The following CRPPA variants were observed in gnomAD, a reference collection of about 807,000 sequenced individuals.
CRPPA encodes the protein D-ribitol-5-phosphate cytidylyltransferase.
Under a neutral mutation model 52.0 loss-of-function variants are expected in CRPPA, and 43 were observed. That is an observed-to-expected ratio of 0.83 (90% CI 0.65 to 1.07). CRPPA has a LOEUF of 1.07. Ranked by LOEUF, CRPPA falls within the 50% of genes least tolerant of loss-of-function variation. The pLI, the probability that CRPPA is intolerant of heterozygous loss-of-function variation, is 0.00. For synonymous variants in CRPPA, 250 were observed against 203.5 expected, an observed-to-expected ratio of 1.23 and a Z score of -1.94; for missense variants, 629 against 551.7, an observed-to-expected ratio of 1.14 and a Z score of -1.40.
intron 3 of CRPPA, among the ~76,000 whole-genome samples, chr7:16,370,997 TG>T (rs1363240995): frequency 2.6e-5 from 4 of 152,202 alleles, no homozygotes; most frequent in Non-Finnish European, 4.4e-5. Flanking sequence ...AAGAGCTGCC[TG>T]TTTGATATGA....
At chr7:16,108,075 A>C (rs986863813) in intron 9 of CRPPA, among the ~76,000 whole-genome samples, 1 of 152,078 alleles carries the variant, frequency 6.6e-6, no homozygotes, top group African/African-American at 2.4e-5. Context: ...GAAGAAAAAA[A>C]TACAGTATCT....
chr7:16,101,946 G>GA (rs1782054395), intron 9 of CRPPA, among the ~76,000 whole-genome samples: 1 of 152,100 alleles, frequency 6.6e-6, no homozygotes, highest in Admixed American at 6.5e-5. Flanking sequence ...CACAGAATTA[G>GA]AAAAAACTAC....
intron 8 of CRPPA, among the ~76,000 whole-genome samples, chr7:16,231,007 G>C (rs1039398881): frequency 6.6e-6 from 1 of 152,122 alleles, no homozygotes; most frequent in African/African-American, 2.4e-5. Context: ...TGCTGCAGCT[G>C]GTCTAGAGGC....
At chr7:16,394,736 G>C (rs73071086) in intron 2 of CRPPA, among the ~76,000 whole-genome samples, 2,282 of 152,208 alleles carry the variant, frequency 0.015, 45 homozygotes, top group Admixed American at 0.056. Flanking sequence ...GTCTATGAAA[G>C]CCAGAATATC....
At chr7:16,157,282 G>A (rs1353142084) in intron 9 of CRPPA, among the ~76,000 whole-genome samples, 2 of 151,708 alleles carry the variant, frequency 1.3e-5, no homozygotes, top group East Asian at 3.9e-4. Context: ...ATAAGCAACT[G>A]GAGTTAAAGA....
chr7:16,312,878 T>A (rs1785063445), intron 3 of CRPPA, among the ~76,000 whole-genome samples: 1 of 152,060 alleles, frequency 6.6e-6, no homozygotes, highest in Admixed American at 6.6e-5. Context: ...ATGAAATACA[T>A]TAGATTTTGA....
intron 9 of CRPPA, among the ~76,000 whole-genome samples, chr7:16,148,629 G>A (rs191341327): frequency 1.2e-4 from 19 of 152,192 alleles, no homozygotes; most frequent in African/African-American, 3.9e-4. Context: ...GGTTATTAGA[G>A]GCTAAGGAAG....
intron 9 of CRPPA, among the ~76,000 whole-genome samples, chr7:16,101,213 G>T (rs553649606): frequency 1.3e-5 from 2 of 152,276 alleles, no homozygotes; most frequent in East Asian, 3.9e-4. Context: ...GTTTAGAAGA[G>T]TTTCAGAATA....
chr7:16,234,097 A>T (rs1230624912), intron 8 of CRPPA, among the ~76,000 whole-genome samples: 1 of 152,136 alleles, frequency 6.6e-6, no homozygotes, highest in African/African-American at 2.4e-5. Flanking sequence ...TTTTCAACTT[A>T]ACATTTCTAA....
At position 16,335,485 on chromosome 7, in the gene CRPPA, A is replaced by G. The variant is rs569249144; in HGVS notation, c.685-26858T>C. Among the ~76,000 whole-genome samples the G allele has an allele frequency of 5.3e-5, 8 of 152,362 alleles. No individual in the cohort carries two copies. The South Asian group carries it at 1.2e-3, about 24-fold the overall frequency. Reference sequence around the variant, plus strand: ...AGAAACAAAATCCAAGATAAAGACTACAATAACTGAACCGAAAAATTTGTT... The same window carrying G: ...AGAAACAAAATCCAAGATAAAGACTGCAATAACTGAACCGAAAAATTTGTT... On this transcript the variant is annotated intron_variant, in intron 3 of 9. Transcript: ENST00000407010.
At chr7:16,391,547 C>G (rs1787446105) in intron 2 of CRPPA, among the ~76,000 whole-genome samples, 1 of 152,172 alleles carries the variant, frequency 6.6e-6, no homozygotes, top group African/African-American at 2.4e-5. Context: ...AGCTTTCCAT[C>G]TCAAAGAACT....
intron 4 of CRPPA, among the ~76,000 whole-genome samples, chr7:16,302,246 A>C (rs933878347): frequency 7.5e-6 from 1 of 134,016 alleles, no homozygotes; most frequent in Non-Finnish European, 1.5e-5. Flanking sequence ...CAGTGTGCCG[A>C]GATTGCGCCA....
intron 5 of CRPPA, among the ~76,000 whole-genome samples, chr7:16,282,561 G>A (rs1046926154): frequency 5.3e-5 from 8 of 151,948 alleles, no homozygotes; most frequent in African/African-American, 1.2e-4. Context: ...CAACAAGGTA[G>A]GTAAAAGACA....
Position 16,417,883 on chromosome 7 carries a change from C to T in CRPPA, c.257+3183G>A, listed in dbSNP as rs370321560. 2.6e-5 allele frequency among the ~76,000 whole-genome samples: 4 copies of T among 152,200 alleles called. No individual in the cohort carries two copies. The East Asian group carries it at 7.7e-4, about 29-fold the overall frequency. ...CTCTTAGAATAACCTAAATGATTGACAGTGGTGACACCCATTATTTTTCTT... is the reference window on the plus strand; with the variant it reads ...CTCTTAGAATAACCTAAATGATTGATAGTGGTGACACCCATTATTTTTCTT... On this transcript the variant is annotated intron_variant, in intron 1 of 9. Transcript: ENST00000407010.
intron 8 of CRPPA, among the ~76,000 whole-genome samples, chr7:16,240,241 T>A (rs1783067780): frequency 6.6e-6 from 1 of 150,780 alleles, no homozygotes; most frequent in Admixed American, 6.7e-5. Flanking sequence ...TCCAAAGGTA[T>A]TTTTAACCAG....
chr7:16,382,940 T>C (rs1422314230), intron 2 of CRPPA, among the ~76,000 whole-genome samples: 1 of 152,218 alleles, frequency 6.6e-6, no homozygotes, highest in African/African-American at 2.4e-5. Context: ...GGCTTGAATT[T>C]CCTCCTGTAC....
intron 9 of CRPPA, among the ~76,000 whole-genome samples, chr7:16,213,353 T>C (rs1438787675): frequency 1.3e-5 from 2 of 152,244 alleles, no homozygotes; most frequent in East Asian, 3.9e-4. Context: ...CTTAGTCTAA[T>C]TTAATTTTGT....
At chr7:16,250,103 G>T (rs1440028623) in intron 8 of CRPPA, among the ~76,000 whole-genome samples, 1 of 152,166 alleles carries the variant, frequency 6.6e-6, no homozygotes, top group African/African-American at 2.4e-5. Context: ...TTCCACAGCT[G>T]AATCGATCAG....
At chr7:16,167,075 C>T (rs1037501739) in intron 9 of CRPPA, among the ~76,000 whole-genome samples, 1 of 151,924 alleles carries the variant, frequency 6.6e-6, no homozygotes, top group African/African-American at 2.4e-5. Context: ...ACTACAGGGG[C>T]CTGCCACCAT....
Sources: gnomAD v4.1 joint callset for allele counts (sites outside exome capture counted in the v4.1 genomes callset) on GRCh38, gnomAD v4.1.1 for gene constraint, MANE v1.5 for transcripts, NCBI Gene and HGNC (gene_info 2026-07-23, HGNC 2026-07-21) for gene names.